The following POU3F3 variants were observed in gnomAD, a reference collection of about 807,000 sequenced individuals.
POU3F3 encodes the protein POU domain, class 3, transcription factor 3.
Under a neutral mutation model 8.6 loss-of-function variants are expected in POU3F3, and 1 was observed. That is an observed-to-expected ratio of 0.12 (90% CI 0.04 to 0.55). POU3F3 has a LOEUF of 0.55. Among genes scored for constraint, POU3F3 ranks in the 20% least tolerant of loss-of-function variants. The probability of loss-of-function intolerance (pLI) is 0.91; values close to 1 mark genes in which losing one functional copy is unlikely to be tolerated. For missense variants in POU3F3, 577 were observed against 690.7 expected, an observed-to-expected ratio of 0.84 and a Z score of 1.84; for synonymous variants, 418 against 327.4, an observed-to-expected ratio of 1.28 and a Z score of -2.99.
chr2:104,888,464 A>G, the POU3F3 span, among the ~76,000 whole-genome samples: 10 of 152,326 alleles, frequency 6.6e-5, no homozygotes, highest in African/African-American at 2.2e-4. Flanking sequence ...CTTTCAGAAC[A>G]TGGTGAGGAC....
chr2:104,885,265 C>T, the POU3F3 span, among the ~76,000 whole-genome samples: 6 of 152,280 alleles, frequency 3.9e-5, no homozygotes, highest in Middle Eastern at 3.4e-3. Flanking sequence ...ACTTTCCTTC[C>T]TGCTACTAAT....
chr2:104,874,216 G>T, the POU3F3 span, among the ~76,000 whole-genome samples: 2 of 152,188 alleles, frequency 1.3e-5, no homozygotes, highest in African/African-American at 2.4e-5. Flanking sequence ...TGGGGATTGG[G>T]AGCTGCTGTT....
At chr2:104,859,081 A>G (rs977965295), downstream of POU3F3, among the ~76,000 whole-genome samples, 5 of 152,002 alleles carry the variant, frequency 3.3e-5, no homozygotes, top group Admixed American at 6.6e-5. Flanking sequence ...TTTGATATCA[A>G]TTACTTCCCA....
At chr2:104,874,235 C>T in the POU3F3 span, among the ~76,000 whole-genome samples, 1 of 152,130 alleles carries the variant, frequency 6.6e-6, no homozygotes, top group Non-Finnish European at 1.5e-5. Context: ...TTTGGAGGAC[C>T]ATGACCAGTG....
Position 104,856,178 on chromosome 2 carries a change from C to A in POU3F3, c.668C>A (p.Ser223Ter), listed in dbSNP as rs1573320413. The A allele has an allele frequency of 7.9e-7, 1 of 1,271,490 alleles. No individual in the cohort carries two copies. Among genetic ancestry groups the A allele is most frequent in the South Asian group, 2.7e-5 (1 of 37,120 alleles). The allele number at this position is 1,271,490 out of a possible 1,614,324, so 78.8% of individuals were successfully genotyped here. ...CCGCCGCCGCAGAGTCTGCTCTACT[C>A]GCAGCCCGGAGGCTTCACGGTGAAC... ...QQPPPQSLLY[S>*]QPGGFTVNGM... Residue 223 changes from serine (S) to a stop codon, truncating the protein, a stop_gained, in exon 1 of 1, where the codon TCG becomes TAG. Transcript: ENST00000361360. LOFTEE classifies it low-confidence loss of function (END_TRUNC).
rs768860277 is a variant in POU3F3 at position 104,856,431 on chromosome 2, C to T, written c.921C>T (p.Ser307=). 4.4e-6 allele frequency: 7 copies of T among 1,608,614 alleles called. No individual in the cohort carries two copies. The South Asian group carries it at 4.4e-5, about 10-fold the overall frequency. ...GCGGCGCGGGGCCTGGACTCAACAG[C>T]CACGACCCGCACTCGGACGAGGACA... ...GGGGAGPGLN[S]HDPHSDEDTP... is the part of the protein sequence containing the mutation. The change falls in exon 1 of 1, where the codon AGC becomes AGT. Residue 307 remains serine, a synonymous_variant. Coordinates refer to ENST00000361360, the MANE Select transcript of POU3F3 (RefSeq NM_006236.3).
chr2:104,898,417 A>G, the POU3F3 span, among the ~76,000 whole-genome samples: 668 of 152,358 alleles, frequency 4.4e-3, 4 homozygotes, highest in Non-Finnish European at 6.5e-3. Context: ...ATGATTATAG[A>G]ATAAAATAAA....
chr2:104,859,482 C>T (rs764751111), downstream of POU3F3, among the ~76,000 whole-genome samples: 1 of 152,162 alleles, frequency 6.6e-6, no homozygotes, highest in Non-Finnish European at 1.5e-5. Context: ...GGTAGAGCAA[C>T]GATTTTATAG....
the POU3F3 span, among the ~76,000 whole-genome samples, chr2:104,889,313 C>G: frequency 6.6e-6 from 1 of 152,166 alleles, no homozygotes; most frequent in Non-Finnish European, 1.5e-5. Flanking sequence ...GAAACAGGGA[C>G]TCTCTGCAAA....
the POU3F3 span, among the ~76,000 whole-genome samples, chr2:104,897,896 A>G: frequency 6.6e-6 from 1 of 152,338 alleles, no homozygotes; most frequent in African/African-American, 2.4e-5. Context: ...ATGAAGATAG[A>G]TTAAGAGATA....
chr2:104,909,180 A>G, the POU3F3 span, among the ~76,000 whole-genome samples: 4 of 152,242 alleles, frequency 2.6e-5, no homozygotes, highest in Non-Finnish European at 5.9e-5. Flanking sequence ...CAATTCAGCT[A>G]GTGAATTATG....
chr2:104,892,773 G>A, the POU3F3 span, among the ~76,000 whole-genome samples: 1 of 151,408 alleles, frequency 6.6e-6, no homozygotes, highest in African/African-American at 2.4e-5. Context: ...CCTTTGAACT[G>A]CCTGGATCGA....
the POU3F3 span, among the ~76,000 whole-genome samples, chr2:104,879,299 G>A: frequency 1.3e-5 from 2 of 152,046 alleles, no homozygotes; most frequent in African/African-American, 2.4e-5. Context: ...GTTCCTTCTC[G>A]GGGTGTCCGG....
chr2:104,880,075 T>C, the POU3F3 span, among the ~76,000 whole-genome samples: 1 of 152,206 alleles, frequency 6.6e-6, no homozygotes. Context: ...TCTTCTGATA[T>C]TTCAGTGGAA....
At position 104,855,107 on chromosome 2, in the gene POU3F3, G is replaced by A. The variant is rs1427600756; in HGVS notation, c.-404G>A. On this transcript the variant is annotated 5_prime_UTR_variant, in exon 1 of 1. Coordinates refer to ENST00000361360, the MANE Select transcript of POU3F3 (RefSeq NM_006236.3). Reference sequence around the variant, plus strand: ...CGCCCGGCGAGCCCCGCTGGAGCGAGCCCAGCGCGCCGGGGCTGGGGGGCG... The same window carrying A: ...CGCCCGGCGAGCCCCGCTGGAGCGAACCCAGCGCGCCGGGGCTGGGGGGCG... Among the ~76,000 whole-genome samples, 1 of 151,868 alleles carries A rather than the reference G, an allele frequency of 6.6e-6. No individual in the cohort carries two copies. Among genetic ancestry groups the A allele is most frequent in the Non-Finnish European group, 1.5e-5 (1 of 67,916 alleles).
Position 104,855,930 on chromosome 2 carries a change from G to A in POU3F3, c.420G>A (p.Pro140=). The A allele has an allele frequency of 9.4e-7, 1 of 1,060,688 alleles. No homozygotes were observed. Among genetic ancestry groups the A allele is most frequent in the South Asian group, 2.8e-5 (1 of 35,812 alleles). 65.7% of individuals were successfully genotyped at this position (1,060,688 alleles called of 1,614,324 possible). A position where few individuals can be genotyped will look rare whatever the true frequency, so the allele number is the denominator to read the frequency against. Residue 140 remains proline, a synonymous_variant, in exon 1 of 1, where the codon CCG becomes CCA. Coordinates refer to ENST00000361360, the MANE Select transcript of POU3F3 (RefSeq NM_006236.3). The stretch of plus-strand genomic sequence containing the variant: ...GCCCCCAGCAGCCACCGCAGCCGCC[G>A]CCGCCACCGCCGCAGGGCCCCGACG... ...AGSPQQPPQP[P]PPPPQGPDVK... is the part of the protein sequence containing the mutation.
chr2:104,857,075 CGCCGCCGCCCCT>C lies in POU3F3; in HGVS notation c.*72_*83del, dbSNP rs1301414044. On this transcript the variant is annotated 3_prime_UTR_variant, in exon 1 of 1. Transcript: ENST00000361360. The stretch of plus-strand genomic sequence containing the variant: ...CCGCCTCCGCAGCCGCCGTCAGCAC[CGCCGCCGCCCCT>C]GCCGCCGCCGCCGCCGCCGCCGCCG... The C allele has an allele frequency of 3.5e-6, 4 of 1,134,972 alleles. No homozygotes were observed. Among genetic ancestry groups the C allele is most frequent in the African/African-American group, 3.3e-5 (2 of 60,534 alleles). 70.3% of individuals were successfully genotyped at this position (1,134,972 alleles called of 1,614,324 possible).
the POU3F3 span, among the ~76,000 whole-genome samples, chr2:104,918,983 T>C: frequency 8.9e-3 from 1,351 of 151,888 alleles, 24 homozygotes; most frequent in African/African-American, 0.031. Context: ...GCAATTCTCC[T>C]GCCTCAGCCT....
rs780332172 is a variant in POU3F3 at position 104,855,939 on chromosome 2, G to A, written c.429G>A (p.Pro143=). The change falls in exon 1 of 1, where the codon CCG becomes CCA. Residue 143 remains proline (P), a synonymous_variant. Transcript: ENST00000361360. ...PQQPPQPPPP[P]PQGPDVKGGA... ...AGCCACCGCAGCCGCCGCCGCCACC[G>A]CCGCAGGGCCCCGACGTGAAGGGCG... is the stretch of plus-strand genomic sequence containing the variant. 251 of 1,059,840 alleles carry A rather than the reference G, an allele frequency of 2.4e-4. No individual in the cohort carries two copies. Among genetic ancestry groups the A allele is most frequent in the Non-Finnish European group, 1.8e-4 (155 of 877,132 alleles). The allele number at this position is 1,059,840 out of a possible 1,614,324, so 65.7% of individuals were successfully genotyped here.
Sources: allele counts gnomAD v4.1 joint callset (sites outside exome capture counted in the v4.1 genomes callset), GRCh38; gene constraint gnomAD v4.1.1; transcripts MANE v1.5; gene names NCBI Gene and HGNC (gene_info 2026-07-23, HGNC 2026-07-21).